Variants in NABP1 observed in about 807,000 individuals in gnomAD.
NABP1 encodes nucleic acid binding protein 1.
A neutral mutation model predicts 25.0 loss-of-function variants in NABP1; 18 were observed. The observed-to-expected ratio is 0.72, with a 90% CI of 0.50 to 1.07. NABP1 has a LOEUF of 1.07. Ranked by LOEUF, NABP1 falls within the 50% of genes least tolerant of loss-of-function variation. The pLI, the probability that NABP1 is intolerant of heterozygous loss-of-function variation, is 0.00. For missense variants in NABP1, 270 were observed against 255.6 expected, an observed-to-expected ratio of 1.06 and a Z score of -0.39; for synonymous variants, 71 against 85.0, an observed-to-expected ratio of 0.84 and a Z score of 0.91.
Position 191,678,724 on chromosome 2 carries a change from C to G in NABP1, c.91+19C>G. On this transcript the variant is annotated intron_variant, in intron 1 of 5. Coordinates refer to ENST00000425611, the MANE Select transcript of NABP1 (RefSeq NM_001031716.5). ...GAGATAGGTAAGTGGGGTTTGCAGCCTACTCCACCGCCCGCTGTGCCTCCC... is the reference window on the plus strand; with the variant it reads ...GAGATAGGTAAGTGGGGTTTGCAGCGTACTCCACCGCCCGCTGTGCCTCCC... The G allele has an allele frequency of 1.3e-6, 2 of 1,599,256 alleles. No homozygotes were observed. Among genetic ancestry groups the G allele is most frequent in the Non-Finnish European group, 1.7e-6 (2 of 1,171,052 alleles).
Position 191,683,602 on chromosome 2 carries a change from GAGTT to G in NABP1, c.303-122_303-119del. The stretch of plus-strand genomic sequence containing the variant: ...TTGGGAAGTTTTTGTTGTAAATGAA[GAGTT>G]AGTTTGTTGCTATTAATTTGTTTGA... On this transcript the variant is annotated intron_variant, in intron 3 of 5. Coordinates refer to ENST00000425611, the MANE Select transcript of NABP1 (RefSeq NM_001031716.5). The surrounding 1 kb of genome is among the most constrained non-coding windows in gnomAD (Gnocchi z 4.1). The G allele has an allele frequency of 4.6e-6, 3 of 658,170 alleles. No homozygotes were observed. Among genetic ancestry groups the G allele is most frequent in the South Asian group, 1.8e-5 (1 of 54,592 alleles). The allele number at this position is 658,170 out of a possible 1,614,324, so 40.8% of individuals were successfully genotyped here. A position where few individuals can be genotyped will look rare whatever the true frequency, so the allele number is the denominator to read the frequency against.
At chr2:191,679,486 C>T (rs1418383943) in intron 2 of NABP1, among the ~76,000 whole-genome samples, 1 of 152,218 alleles carries the variant, frequency 6.6e-6, no homozygotes, top group Non-Finnish European at 1.5e-5. Context: ...AAGAGATTCT[C>T]GTGCCTCAGC....
chr2:191,684,231 C>G lies in NABP1; in HGVS notation c.380C>G (p.Ala127Gly). The G allele has an allele frequency of 6.5e-7, 1 of 1,542,262 alleles. No individual in the cohort carries two copies. Among genetic ancestry groups the G allele is most frequent in the South Asian group, 1.2e-5 (1 of 81,492 alleles). Residue 127 changes from alanine (A) to glycine (G), a missense_variant and splice_region_variant, in exon 5 of 6, where the codon GCA becomes GGA. Coordinates refer to ENST00000425611, the MANE Select transcript of NABP1 (RefSeq NM_001031716.5). ...PDYRGQQNKGAQSEQKNNSMN... is the reference protein window; with the variant it reads ...PDYRGQQNKGGQSEQKNNSMN... ...GTTAAATTAAAAACTTTTTTTTAGG[C>G]ACAGAGTGAACAGAAGAATAATTCC...
chr2:191,686,174 A>C lies in NABP1; in HGVS notation c.*406A>C, dbSNP rs1687816902. On this transcript the variant is annotated 3_prime_UTR_variant, in exon 6 of 6. Transcript: ENST00000425611. ...TATTCAGATATTGCCAACTAAAGCA[A>C]TAACCATCAAAAAACACAAGAACTT... is the stretch of plus-strand genomic sequence containing the variant. The C allele has an allele frequency of 6.5e-6, 1 of 153,994 alleles. No homozygotes were observed. The highest frequency in any genetic ancestry group is 2.4e-5 in the African/African-American group (1 of 41,478). The allele number at this position is 153,994 out of a possible 1,614,324, so 9.5% of individuals were successfully genotyped here. A position where few individuals can be genotyped will look rare whatever the true frequency, so the allele number is the denominator to read the frequency against.
At position 191,678,601 on chromosome 2, in the gene NABP1, G is replaced by A. The variant is rs905754769; in HGVS notation, c.-14G>A. On this transcript the variant is annotated 5_prime_UTR_variant, in exon 1 of 6. Coordinates refer to ENST00000425611, the MANE Select transcript of NABP1 (RefSeq NM_001031716.5). ...CACTCGCGTCTCCGCAGCCGTAGCC[G>A]CGCCTGTCCCAATATGAATAGGGTC... 2.5e-6 allele frequency: 4 copies of A among 1,599,608 alleles called. No individual in the cohort carries two copies. Among genetic ancestry groups the A allele is most frequent in the Admixed American group, 3.4e-5 (2 of 58,920 alleles).
Position 191,679,104 on chromosome 2 carries a change from G to C in NABP1, c.206G>C (p.Gly69Ala). ...GAGATCGGAGGTCTTATACAGCCAG[G>C]GGATATTATTCGGTTGACCAGAGGG... is the stretch of plus-strand genomic sequence containing the variant. ...WDEIGGLIQP[G>A]DIIRLTRGYA... The change falls in exon 2 of 6, where the codon GGG becomes GCG. Residue 69 changes from glycine (G) to alanine (A), a missense_variant. Physicochemically the swap from Gly to Ala is moderately conservative, Grantham distance 60 (BLOSUM62 0). Transcript: ENST00000425611. 1 of 1,614,182 alleles carries C rather than the reference G, an allele frequency of 6.2e-7. No individual in the cohort carries two copies. The highest frequency in any genetic ancestry group is 8.5e-7 in the Non-Finnish European group (1 of 1,180,028).
chr2:191,683,791 A>C lies in NABP1; in HGVS notation c.365A>C (p.Gln122Pro), dbSNP rs1037267282. The change falls in exon 4 of 6, where the codon CAG becomes CCG. Residue 122 changes from glutamine to proline, a missense_variant. Gln to Pro is a moderately conservative substitution (Grantham distance 76, BLOSUM62 -1). Coordinates refer to ENST00000425611, the MANE Select transcript of NABP1 (RefSeq NM_001031716.5). This position sits in a 1 kb window ranked among gnomAD's most constrained non-coding sequence, Gnocchi z 4.1. ...FSEPNPDYRG[Q>P]QNKGAQSEQK... The stretch of plus-strand genomic sequence containing the variant: ...GAACCCAACCCAGATTATCGAGGAC[A>C]GCAGAACAAAGGGGTAATTGTGTAG... 2 of 1,608,236 alleles carry C rather than the reference A, an allele frequency of 1.2e-6. No homozygotes were observed. Among genetic ancestry groups the C allele is most frequent in the Non-Finnish European group, 1.7e-6 (2 of 1,178,296 alleles).
In NABP1 at chr2:191,683,899, A is replaced by G; in HGVS notation, c.378+95A>G. On this transcript the variant is annotated intron_variant, in intron 4 of 5. Coordinates refer to ENST00000425611, the MANE Select transcript of NABP1 (RefSeq NM_001031716.5). The surrounding 1 kb of genome is among the most constrained non-coding windows in gnomAD (Gnocchi z 4.1). The stretch of plus-strand genomic sequence containing the variant: ...CCTGTTGATACTTAGTATAAAGAAG[A>G]TAATTTTTAAAAGGATACTTAATTT... 1.0e-6 allele frequency: 1 copy of G among 960,006 alleles called. No individual in the cohort carries two copies. Among genetic ancestry groups the G allele is most frequent in the Non-Finnish European group, 1.6e-6 (1 of 635,576 alleles). The allele number at this position is 960,006 out of a possible 1,614,324, so 59.5% of individuals were successfully genotyped here.
At position 191,678,839 on chromosome 2, in the gene NABP1, C is replaced by G; in HGVS notation, c.91+134C>G. On this transcript the variant is annotated intron_variant, in intron 1 of 5. Transcript: ENST00000425611. ...CCCACCCACGTGGCTCTAGTGGCCT[C>G]CGCCCGAGATCGGATCCTACCTGAG... 6 of 1,248,484 alleles carry G rather than the reference C, an allele frequency of 4.8e-6. No homozygotes were observed. The South Asian group carries it at 6.8e-5, about 14-fold the overall frequency. 77.3% of individuals were successfully genotyped at this position (1,248,484 alleles called of 1,614,324 possible). A position where few individuals can be genotyped will look rare whatever the true frequency, so the allele number is the denominator to read the frequency against.
In NABP1 at chr2:191,684,288, G is replaced by A; in HGVS notation, c.437G>A (p.Gly146Glu). 6.6e-7 allele frequency: 1 copy of A among 1,526,180 alleles called. No homozygotes were observed. The highest frequency in any genetic ancestry group is 2.5e-5 in the Admixed American group (1 of 40,188). The allele number at this position is 1,526,180 out of a possible 1,614,324, so 94.5% of individuals were successfully genotyped here. A position where few individuals can be genotyped will look rare whatever the true frequency, so the allele number is the denominator to read the frequency against. Residue 146 changes from glycine (G) to glutamate (E), a missense_variant, in exon 5 of 6, where the codon GGA (glycine) becomes GAA (glutamate). Coordinates refer to ENST00000425611, the MANE Select transcript of NABP1 (RefSeq NM_001031716.5). The stretch of plus-strand genomic sequence containing the variant: ...AGTAATATGGGTACAGGTACATTTG[G>A]ACCAGTGGGTAAGATTTTGTTTGTG... ...MNSNMGTGTF[G>E]PVGNGVHTGP...
chr2:191,682,357 A>G (rs921039044), intron 3 of NABP1: 7 of 366,822 alleles, frequency 1.9e-5, no homozygotes, highest in African/African-American at 1.3e-4. Flanking sequence ...GTGATTCACC[A>G]TATACGAAGC....
intron 2 of NABP1, among the ~76,000 whole-genome samples, chr2:191,680,025 C>G (rs775219534): frequency 6.6e-6 from 1 of 152,150 alleles, no homozygotes; most frequent in East Asian, 1.9e-4. Flanking sequence ...CAAAGGGATA[C>G]ACAGAAAATG....
chr2:191,679,216 C>G, intron 2 of NABP1, 88 bp downstream of exon 2: 1 of 1,528,544 alleles, frequency 6.5e-7, no homozygotes. Flanking sequence ...CTGAAGTCCC[C>G]CGCCTTTTCT....
At chr2:191,681,203 A>G (rs1258514265) in intron 2 of NABP1, among the ~76,000 whole-genome samples, 2 of 152,196 alleles carry the variant, frequency 1.3e-5, no homozygotes, top group African/African-American at 4.8e-5. Context: ...AGAGAACTGT[A>G]TAGTAAGTTA....
At chr2:191,685,513 C>A in intron 5 of NABP1, 86 bp from the exon 6 acceptor site, 1 of 1,122,262 alleles carries the variant, frequency 8.9e-7, no homozygotes, top group South Asian at 1.7e-5. Context: ...TATTTTTAAG[C>A]ATTAATAACA....
chr2:191,679,182 C>G lies in NABP1; in HGVS notation c.230+54C>G, dbSNP rs1226468384. 2.5e-6 allele frequency: 4 copies of G among 1,608,230 alleles called. No homozygotes were observed. The Admixed American group carries it at 5.0e-5, about 20-fold the overall frequency. ...AACAGTCTGCAGAATCGGGATTGGC[C>G]GGCTCCTGGGATCTTGGCAAGCCCT... On this transcript the variant is annotated intron_variant, in intron 2 of 5. Coordinates refer to ENST00000425611, the MANE Select transcript of NABP1 (RefSeq NM_001031716.5).
In NABP1 at chr2:191,685,825, T is replaced by C. The variant is rs562459827; in HGVS notation, c.*57T>C. 14 of 1,503,186 alleles carry C rather than the reference T, an allele frequency of 9.3e-6. No homozygotes were observed. The highest frequency in any genetic ancestry group is 4.2e-5 in the African/African-American group (3 of 71,560). 93.1% of individuals were successfully genotyped at this position (1,503,186 alleles called of 1,614,324 possible). A position where few individuals can be genotyped will look rare whatever the true frequency, so the allele number is the denominator to read the frequency against. On this transcript the variant is annotated 3_prime_UTR_variant, in exon 6 of 6. Coordinates refer to ENST00000425611, the MANE Select transcript of NABP1 (RefSeq NM_001031716.5). The stretch of plus-strand genomic sequence containing the variant: ...ACTACATGCCCTACTTGAACACTTA[T>C]TGCACTTTTATTTATTGTTAACTGT...
At chr2:191,684,706 C>G (rs926297852) in intron 5 of NABP1, among the ~76,000 whole-genome samples, 2 of 152,122 alleles carry the variant, frequency 1.3e-5, no homozygotes, top group Non-Finnish European at 2.9e-5. Flanking sequence ...AGGCTAGTGA[C>G]CCTCAGATGT....
At chr2:191,685,552 A>G (rs1463405902) in intron 5 of NABP1, 47 bp from the exon 6 acceptor site, 1 of 1,529,532 alleles carries the variant, frequency 6.5e-7, no homozygotes, top group African/African-American at 1.4e-5. Flanking sequence ...TTCTACTTCT[A>G]TAGACTACCT....
Sources: allele counts gnomAD v4.1 joint callset (sites outside exome capture counted in the v4.1 genomes callset), GRCh38; gene constraint gnomAD v4.1.1; non-coding constraint Gnocchi (gnomAD v3.1); transcripts MANE v1.5; gene names NCBI Gene and HGNC (gene_info 2026-07-23, HGNC 2026-07-21).